Variants in DRC8 observed in about 807,000 individuals in gnomAD.
DRC8 encodes the protein dynein regulatory complex subunit 8.
chr1:244,977,553 G>A, the DRC8 span, among the ~76,000 whole-genome samples: 7 of 152,012 alleles, frequency 4.6e-5, no homozygotes, highest in South Asian at 6.2e-4. Context: ...TAAAGAAGTC[G>A]GGGGTTCCCT....
the DRC8 span, among the ~76,000 whole-genome samples, chr1:245,009,849 T>C: frequency 6.6e-6 from 1 of 151,698 alleles, no homozygotes; most frequent in African/African-American, 2.4e-5. Context: ...ATATGATGCA[T>C]GTGTTTTTTG....
chr1:245,083,845 T>A, the DRC8 span: 1 of 1,066,440 alleles, frequency 9.4e-7, no homozygotes, highest in Non-Finnish European at 1.3e-6. Flanking sequence ...GTTTCTGTTC[T>A]GTGGGGGTTA....
the DRC8 span, among the ~76,000 whole-genome samples, chr1:245,046,557 G>A: frequency 1.3e-5 from 2 of 152,146 alleles, no homozygotes; most frequent in African/African-American, 4.8e-5. Flanking sequence ...CCATGTCTTT[G>A]GCACCAGAAA....
At chr1:244,980,980 C>T in the DRC8 span, among the ~76,000 whole-genome samples, 4 of 152,094 alleles carry the variant, frequency 2.6e-5, no homozygotes, top group South Asian at 2.1e-4. Context: ...GTAGGCAGTT[C>T]GAGACCAGCC....
the DRC8 span, among the ~76,000 whole-genome samples, chr1:245,092,687 T>C: frequency 1.3e-4 from 20 of 152,360 alleles, no homozygotes; most frequent in African/African-American, 2.9e-4. Context: ...GGGATCCTTA[T>C]GCACGCTTGT....
At chr1:245,111,203 A>G in the DRC8 span, among the ~76,000 whole-genome samples, 2 of 152,186 alleles carry the variant, frequency 1.3e-5, no homozygotes, top group Non-Finnish European at 2.9e-5. Flanking sequence ...GGCAGCAGGG[A>G]GTCAGACCTC....
At chr1:244,999,693 A>G in the DRC8 span, among the ~76,000 whole-genome samples, 19 of 152,220 alleles carry the variant, frequency 1.2e-4, no homozygotes, top group African/African-American at 3.9e-4. Context: ...TACTTTATCC[A>G]TGGGGAATAC....
the DRC8 span, chr1:245,082,195 T>C: frequency 7.8e-6 from 12 of 1,541,146 alleles, no homozygotes; most frequent in South Asian, 1.3e-4. Context: ...TAAGGCAAAG[T>C]AATGGTCAGA....
the DRC8 span, among the ~76,000 whole-genome samples, chr1:244,981,109 G>A: frequency 2.0e-5 from 3 of 151,944 alleles, no homozygotes; most frequent in African/African-American, 7.3e-5. Context: ...CTTGAACCTG[G>A]GGAGGCAGAG....
the DRC8 span, among the ~76,000 whole-genome samples, chr1:245,029,000 G>A: frequency 2.0e-5 from 3 of 152,280 alleles, no homozygotes; most frequent in East Asian, 1.9e-4. Flanking sequence ...TTTCTGTAGC[G>A]TTCGGGGATC....
At chr1:245,092,165 C>G in the DRC8 span, among the ~76,000 whole-genome samples, 1 of 152,192 alleles carries the variant, frequency 6.6e-6, no homozygotes, top group Non-Finnish European at 1.5e-5. Context: ...AATAGAGAGC[C>G]CAGCTCTAGT....
the DRC8 span, among the ~76,000 whole-genome samples, chr1:245,010,426 A>G: frequency 2.0e-5 from 3 of 152,160 alleles, no homozygotes; most frequent in Non-Finnish European, 4.4e-5. Flanking sequence ...AGAAGACCAC[A>G]TGATATGTCA....
the DRC8 span, among the ~76,000 whole-genome samples, chr1:245,111,915 T>C: frequency 6.6e-5 from 10 of 152,164 alleles, no homozygotes; most frequent in Non-Finnish European, 1.5e-4. Flanking sequence ...GCACCTGTAG[T>C]ACCAGCTACT....
At chr1:245,076,803 T>C in the DRC8 span, among the ~76,000 whole-genome samples, 1 of 152,118 alleles carries the variant, frequency 6.6e-6, no homozygotes, top group Non-Finnish European at 1.5e-5. Flanking sequence ...CTTGGTTCAC[T>C]GCACCCTCCA....
chr1:244,991,845 G>A, the DRC8 span, among the ~76,000 whole-genome samples: 1 of 152,200 alleles, frequency 6.6e-6, no homozygotes, highest in Admixed American at 6.5e-5. Context: ...TGTGGTTCGA[G>A]CCTTGTAAAG....
At chr1:245,032,783 C>G in the DRC8 span, among the ~76,000 whole-genome samples, 1 of 152,026 alleles carries the variant, frequency 6.6e-6, no homozygotes, top group Non-Finnish European at 1.5e-5. Context: ...GTCTGTTGCT[C>G]TAGGATCCTG....
the DRC8 span, among the ~76,000 whole-genome samples, chr1:245,050,931 G>T: frequency 1.1e-3 from 175 of 152,250 alleles, no homozygotes; most frequent in African/African-American, 3.9e-3. Flanking sequence ...AGGCTGGAGT[G>T]CAGTGCCACG....
chr1:245,020,769 G>A, the DRC8 span, among the ~76,000 whole-genome samples: 842 of 150,110 alleles, frequency 5.6e-3, 11 homozygotes, highest in African/African-American at 0.019. Context: ...ACAGGTGCCC[G>A]CCACCACGCC....
At chr1:244,986,929 T>C in the DRC8 span, among the ~76,000 whole-genome samples, 1 of 152,062 alleles carries the variant, frequency 6.6e-6, no homozygotes. Flanking sequence ...CAGGGATGAA[T>C]GAACACCTTT....
Sources: gnomAD v4.1 joint callset for allele counts (sites outside exome capture counted in the v4.1 genomes callset) on GRCh38, gnomAD v4.1.1 for gene constraint, MANE v1.5 for transcripts, NCBI Gene and HGNC (gene_info 2026-07-23, HGNC 2026-07-21) for gene names.